KLRD1: variants seen among roughly 807,000 people sequenced by gnomAD.
KLRD1 encodes the protein killer cell lectin like receptor D1.
Under a neutral mutation model 22.6 loss-of-function variants are expected in KLRD1, and 21 were observed. That is an observed-to-expected ratio of 0.93 (90% confidence interval 0.66 to 1.34). KLRD1 has a LOEUF of 1.34. KLRD1 is among the 40% of genes most tolerant of loss of function. KLRD1 has a pLI of 0.00. For synonymous variants in KLRD1, 59 were observed against 71.1 expected (o/e 0.83, Z 0.85); for missense variants, 183 against 208.6 (o/e 0.88, Z 0.76).
intron 1 of KLRD1, among the ~76,000 whole-genome samples, chr12:10,262,139 A>G (rs768133905): frequency 1.3e-5 from 2 of 152,112 alleles, no homozygotes; most frequent in African/African-American, 2.4e-5. Context: ...AGTGAACACA[A>G]TATGTTAAAA....
In KLRD1 at chr12:10,323,703, C is replaced by A. The variant is rs2137751481; in HGVS notation, c.*8910C>A. 6.6e-6 allele frequency: 1 copy of A among 152,064 alleles called. No individual in the cohort carries two copies. The highest frequency in any genetic ancestry group is 2.1e-4 in the South Asian group (1 of 4,824). 9.4% of individuals were successfully genotyped at this position (152,064 alleles called of 1,614,324 possible). A position where few individuals can be genotyped will look rare whatever the true frequency, so the allele number is the denominator to read the frequency against. ...GCTCCTCCCCTCACAGATGAATATT[C>A]TGTTACTATAGATTTGCCTTTCTAT... On this transcript the variant is annotated 3_prime_UTR_variant, in exon 6 of 6. Transcript: ENST00000336164.
intron 1 of KLRD1, among the ~76,000 whole-genome samples, chr12:10,239,517 CCCT>C (rs1949218403): frequency 2.2e-5 from 1 of 45,814 alleles, no homozygotes; most frequent in Non-Finnish European, 4.6e-5. Flanking sequence ...TCCTTCCCTC[CCCT>C]TTCTTTCTTT....
intron 1 of KLRD1, among the ~76,000 whole-genome samples, chr12:10,250,032 G>A (rs1240679231): frequency 2.0e-5 from 3 of 152,056 alleles, no homozygotes; most frequent in African/African-American, 4.8e-5. Context: ...TTGTACATAC[G>A]TTGTCCGTCA....
upstream of KLRD1, among the ~76,000 whole-genome samples, chr12:10,303,555 C>G (rs145649422): frequency 8.1e-4 from 124 of 152,258 alleles, no homozygotes; most frequent in African/African-American, 2.9e-3. Flanking sequence ...ATTTCCTTTA[C>G]AGATGTAATT....
intron 5 of KLRD1, among the ~76,000 whole-genome samples, chr12:10,314,070 C>T (rs116601362): frequency 2.0e-5 from 3 of 152,140 alleles, no homozygotes; most frequent in Admixed American, 6.5e-5. Context: ...TTAGTGTATT[C>T]GTGGCCATAA....
chr12:10,285,219 A>G (rs1298211870), intron 1 of KLRD1, among the ~76,000 whole-genome samples: 1 of 152,224 alleles, frequency 6.6e-6, no homozygotes, highest in Admixed American at 6.5e-5. Context: ...ACTACTATTT[A>G]TAAAATAAAT....
At chr12:10,259,108 T>C (rs1420240246) in intron 1 of KLRD1, among the ~76,000 whole-genome samples, 1 of 152,202 alleles carries the variant, frequency 6.6e-6, no homozygotes, top group African/African-American at 2.4e-5. Flanking sequence ...TTCTGTAATA[T>C]CCACCCTGAG....
chr12:10,311,696 A>T, intron 4 of KLRD1, 81 bp downstream of exon 4: 1 of 1,359,848 alleles, frequency 7.4e-7, no homozygotes, highest in Non-Finnish European at 1.0e-6. Flanking sequence ...CTTTGGTTTA[A>T]GTCATTAATC....
intron 1 of KLRD1, among the ~76,000 whole-genome samples, chr12:10,279,244 T>C (rs1949619419): frequency 6.6e-6 from 1 of 152,152 alleles, no homozygotes. Flanking sequence ...GAACATGCAG[T>C]ATTTGGTTTT....
At chr12:10,247,063 G>C (rs1179029774) in intron 1 of KLRD1, among the ~76,000 whole-genome samples, 7 of 151,578 alleles carry the variant, frequency 4.6e-5, no homozygotes, top group African/African-American at 1.7e-4. Context: ...CTCTCGAGTA[G>C]CTTGGATTAC....
chr12:10,258,321 G>A (rs536891370), intron 1 of KLRD1, among the ~76,000 whole-genome samples: 1 of 152,166 alleles, frequency 6.6e-6, no homozygotes, highest in South Asian at 2.1e-4. Context: ...TGTATCATGA[G>A]TCATTTGTGG....
At chr12:10,293,352 T>G (rs1433697486) in intron 1 of KLRD1, among the ~76,000 whole-genome samples, 3 of 151,076 alleles carry the variant, frequency 2.0e-5, no homozygotes, top group African/African-American at 7.3e-5. Context: ...AAGTAAGAGA[T>G]GTGTGACTCT....
rs114694826 is a variant in KLRD1, at chr12:10,323,048, T to G, written c.*8255T>G. 1 of 152,362 alleles carries G rather than the reference T, an allele frequency of 6.6e-6. No homozygotes were observed. Among genetic ancestry groups the G allele is most frequent in the African/African-American group, 2.4e-5 (1 of 41,596 alleles). 9.4% of individuals were successfully genotyped at this position (152,362 alleles called of 1,614,324 possible). A position where few individuals can be genotyped will look rare whatever the true frequency, so the allele number is the denominator to read the frequency against. ...AGAATTCATAAGAATGTATCACAATTTGCTTATTTATTCTAATATTGTTCA... is the reference window on the plus strand; with the variant it reads ...AGAATTCATAAGAATGTATCACAATGTGCTTATTTATTCTAATATTGTTCA... On this transcript the variant is annotated 3_prime_UTR_variant, in exon 6 of 6. Coordinates refer to ENST00000336164, the MANE Select transcript of KLRD1 (RefSeq NM_002262.5).
At chr12:10,301,070 C>T (rs544167748), upstream of KLRD1, among the ~76,000 whole-genome samples, 16 of 152,094 alleles carry the variant, frequency 1.1e-4, no homozygotes, top group African/African-American at 3.6e-4. Context: ...TCCATATCCA[C>T]AATAATGAAA....
intron 1 of KLRD1, among the ~76,000 whole-genome samples, chr12:10,277,039 A>G (rs577476203): frequency 1.3e-5 from 2 of 152,234 alleles, no homozygotes; most frequent in East Asian, 3.9e-4. Flanking sequence ...AAATGAGAAA[A>G]TAAAAGTCAA....
rs1359042172 is a variant in KLRD1, at chr12:10,320,246, G to A, written c.*5453G>A. Reference sequence around the variant, plus strand: ...CAATACATATTTTGGTACCAAGAATGAAGTTACTATTATAAAGAAAAAAAA... The same window carrying A: ...CAATACATATTTTGGTACCAAGAATAAAGTTACTATTATAAAGAAAAAAAA... On this transcript the variant is annotated 3_prime_UTR_variant, in exon 6 of 6. Coordinates refer to ENST00000336164, the MANE Select transcript of KLRD1 (RefSeq NM_002262.5). 4.8e-5 allele frequency: 6 copies of A among 123,974 alleles called. No homozygotes were observed. The highest frequency in any genetic ancestry group is 8.6e-5 in the Non-Finnish European group (5 of 58,004). The allele number at this position is 123,974 out of a possible 1,614,324, so 7.7% of individuals were successfully genotyped here. A position where few individuals can be genotyped will look rare whatever the true frequency, so the allele number is the denominator to read the frequency against.
intron 1 of KLRD1, among the ~76,000 whole-genome samples, chr12:10,297,237 A>C (rs1443748423): frequency 1.3e-5 from 2 of 152,220 alleles, no homozygotes; most frequent in Admixed American, 1.3e-4. Flanking sequence ...TATGGAATAC[A>C]GGGAAAGAGA....
At chr12:10,254,966 A>T (rs1224957871) in intron 1 of KLRD1, among the ~76,000 whole-genome samples, 1 of 149,934 alleles carries the variant, frequency 6.7e-6, no homozygotes, top group Non-Finnish European at 1.5e-5. Context: ...AAGAAGACAT[A>T]CTTGTGGCCT....
chr12:10,312,577 A>G (rs1950108772), intron 4 of KLRD1, among the ~76,000 whole-genome samples: 2 of 145,760 alleles, frequency 1.4e-5, no homozygotes, highest in African/African-American at 2.5e-5. Flanking sequence ...ACGCGGTTTC[A>G]CCGTGTTAGC....
Sources: gnomAD v4.1 joint callset for allele counts (sites outside exome capture counted in the v4.1 genomes callset) on GRCh38, gnomAD v4.1.1 for gene constraint, MANE v1.5 for transcripts, NCBI Gene and HGNC (gene_info 2026-07-23, HGNC 2026-07-21) for gene names.